The following RBFOX1 variants were observed in gnomAD, a reference collection of about 807,000 sequenced individuals.
The protein encoded by RBFOX1 is RNA binding protein fox-1 homolog 1.
Under a neutral mutation model 57.7 loss-of-function variants are expected in RBFOX1, and 8 were observed. The ratio of observed to expected loss-of-function variants is 0.14; its 90% confidence interval spans 0.08 to 0.25. RBFOX1 has a LOEUF of 0.25. Among genes scored for constraint, RBFOX1 ranks in the 10% least tolerant of loss-of-function variants. The pLI is 1.00. For missense variants in RBFOX1, 611 were observed against 548.5 expected (o/e 1.11, Z -1.14); for synonymous variants, 326 against 222.4 (o/e 1.47, Z -4.15).
intron 3 of RBFOX1, among the ~76,000 whole-genome samples, chr16:5,615,266 A>G (rs532615666): frequency 6.6e-6 from 1 of 152,220 alleles, no homozygotes; most frequent in African/African-American, 2.4e-5. Flanking sequence ...CCTGGACTCA[A>G]TTGATCCTCC....
chr16:6,682,066 G>C (rs1376773501), intron 3 of RBFOX1, among the ~76,000 whole-genome samples: 3 of 152,168 alleles, frequency 2.0e-5, no homozygotes, highest in Non-Finnish European at 2.9e-5. Flanking sequence ...GATCCAGTTT[G>C]TTTTGCCCAA....
chr16:5,750,807 A>T (rs898233869), intron 3 of RBFOX1, among the ~76,000 whole-genome samples: 1 of 152,226 alleles, frequency 6.6e-6, no homozygotes, highest in Non-Finnish European at 1.5e-5. Context: ...GACACCTTGC[A>T]CTTCCCAGGT....
At chr16:5,629,354 C>G (rs941659346) in intron 3 of RBFOX1, among the ~76,000 whole-genome samples, 1 of 152,176 alleles carries the variant, frequency 6.6e-6, no homozygotes, top group Non-Finnish European at 1.5e-5. Flanking sequence ...AGAGCAGACC[C>G]AGCTATAAAC....
intron 1 of RBFOX1, among the ~76,000 whole-genome samples, chr16:5,293,800 G>A (rs546872641): frequency 3.3e-5 from 5 of 151,888 alleles, no homozygotes; most frequent in African/African-American, 9.7e-5. Context: ...TTATTTTTTG[G>A]GGGGGCGGGG....
At chr16:7,075,509 CAAT>C (rs1345240874) in intron 4 of RBFOX1, among the ~76,000 whole-genome samples, 1 of 152,124 alleles carries the variant, frequency 6.6e-6, no homozygotes, top group East Asian at 1.9e-4. Flanking sequence ...CTCTTTAAAA[CAAT>C]AAGTATTAAA....
chr16:6,720,009 G>A (rs1166961362), intron 3 of RBFOX1, among the ~76,000 whole-genome samples: 9 of 151,896 alleles, frequency 5.9e-5, no homozygotes, highest in African/African-American at 1.2e-4. Flanking sequence ...CAGGAGAATC[G>A]CTTGAACCTG....
intron 4 of RBFOX1, among the ~76,000 whole-genome samples, chr16:7,174,184 CT>C (rs142061515): frequency 1.1e-3 from 167 of 150,236 alleles, no homozygotes; most frequent in Non-Finnish European, 1.5e-3. Context: ...CCATGATAAA[CT>C]TTTTTTTTTC....
intron 3 of RBFOX1, among the ~76,000 whole-genome samples, chr16:6,894,182 C>A (rs117385279): frequency 0.012 from 1,885 of 152,248 alleles, 22 homozygotes; most frequent in Non-Finnish European, 0.02. Context: ...TCTGTCTGTC[C>A]TTTTTATTCA....
chr16:7,435,274 G>A (rs1441599136), intron 4 of RBFOX1, among the ~76,000 whole-genome samples: 3 of 152,002 alleles, frequency 2.0e-5, no homozygotes, highest in Non-Finnish European at 4.4e-5. Flanking sequence ...GTGTTTTGTA[G>A]TGTGTCCCTC....
chr16:7,469,847 G>C (rs376801056), intron 4 of RBFOX1, among the ~76,000 whole-genome samples: 3 of 152,014 alleles, frequency 2.0e-5, no homozygotes, highest in African/African-American at 7.3e-5. Context: ...CATCCGTCCT[G>C]CTCGCAGCCC....
chr16:6,543,583 TG>T (rs2096854308), intron 2 of RBFOX1, among the ~76,000 whole-genome samples: 4 of 152,156 alleles, frequency 2.6e-5, no homozygotes, highest in Admixed American at 2.6e-4. Flanking sequence ...ACTGCTGCTT[TG>T]GGTTGTTTTG....
chr16:5,578,523 G>A (rs1403633287), intron 2 of RBFOX1, among the ~76,000 whole-genome samples: 2 of 152,150 alleles, frequency 1.3e-5, no homozygotes, highest in African/African-American at 4.8e-5. Context: ...TAAAAGAACT[G>A]TCAATTTCAA....
At chr16:6,385,406 C>G (rs968447334) in intron 2 of RBFOX1, among the ~76,000 whole-genome samples, 14 of 152,218 alleles carry the variant, frequency 9.2e-5, no homozygotes, top group African/African-American at 3.4e-4. Context: ...TTTGCCCAGG[C>G]TGGAGTGCAG....
intron 4 of RBFOX1, among the ~76,000 whole-genome samples, chr16:5,896,852 A>T (rs1237282857): frequency 1.3e-5 from 2 of 152,028 alleles, no homozygotes; most frequent in Non-Finnish European, 2.9e-5. Context: ...GCATCACTAT[A>T]GTTCCTAAAC....
At chr16:5,585,720 C>G (rs1400891512) in intron 2 of RBFOX1, among the ~76,000 whole-genome samples, 1 of 152,228 alleles carries the variant, frequency 6.6e-6, no homozygotes, top group Non-Finnish European at 1.5e-5. Flanking sequence ...AGCATTTATG[C>G]AGGGTGTAGA....
intron 4 of RBFOX1, among the ~76,000 whole-genome samples, chr16:7,293,037 A>C (rs143761227): frequency 6.6e-6 from 1 of 152,292 alleles, no homozygotes; most frequent in Non-Finnish European, 1.5e-5. Flanking sequence ...TGGAACCAAG[A>C]CAGTTTAATC....
At chr16:7,479,995 G>A (rs1454098232) in intron 4 of RBFOX1, among the ~76,000 whole-genome samples, 1 of 152,186 alleles carries the variant, frequency 6.6e-6, no homozygotes, top group Non-Finnish European at 1.5e-5. Flanking sequence ...CGACGTATAG[G>A]TGCCAGTTCC....
chr16:5,278,967 T>G (rs1462094422), intron 1 of RBFOX1, among the ~76,000 whole-genome samples: 1 of 152,230 alleles, frequency 6.6e-6, no homozygotes, highest in African/African-American at 2.4e-5. Flanking sequence ...TTAATACCAA[T>G]ACACACTGTT....
intron 4 of RBFOX1, among the ~76,000 whole-genome samples, chr16:7,419,178 G>A (rs1417519859): frequency 6.6e-6 from 1 of 152,180 alleles, no homozygotes; most frequent in Non-Finnish European, 1.5e-5. Flanking sequence ...AAAGTGCTGG[G>A]ATTACAAGCG....
Sources: allele counts gnomAD v4.1 joint callset (sites outside exome capture counted in the v4.1 genomes callset), GRCh38; gene constraint gnomAD v4.1.1; transcripts MANE v1.5; gene names NCBI Gene and HGNC (gene_info 2026-07-23, HGNC 2026-07-21).